The following PPP1R10 variants were observed in gnomAD, a reference collection of about 807,000 sequenced individuals.
The protein encoded by PPP1R10 is serine/threonine-protein phosphatase 1 regulatory subunit 10.
Under a neutral mutation model 99.0 loss-of-function variants are expected in PPP1R10, and 15 were observed. The ratio of observed to expected loss-of-function variants is 0.15; its 90% CI spans 0.10 to 0.23. The LOEUF (loss-of-function observed/expected upper bound fraction) is 0.23, where lower values mean the gene tolerates loss of function less well. Among genes scored for constraint, PPP1R10 ranks in the 10% least tolerant of loss-of-function variants. PPP1R10 has a pLI of 1.00. For synonymous variants in PPP1R10, 430 were observed against 449.5 expected, an observed-to-expected ratio of 0.96 and a Z score of 0.55; for missense variants, 947 against 1,259.4, an observed-to-expected ratio of 0.75 and a Z score of 3.75.
Position 30,605,835 on chromosome 6 carries a change from G to C in PPP1R10, c.853+88C>G, listed in dbSNP as rs563180840. ...AGACCGTGCCACTGCACTCCAGCCT[G>C]GGTGACAGAGTGAGACTCTGTCTCC... On this transcript the variant is annotated intron_variant, in intron 10 of 19. Transcript: ENST00000376511. 169 of 1,295,252 alleles carry C rather than the reference G, an allele frequency of 1.3e-4. 2 individuals carry two copies. The African/African-American group carries it at 2.4e-3, about 18-fold the overall frequency. 80.2% of individuals were successfully genotyped at this position (1,295,252 alleles called of 1,614,324 possible).
At position 30,605,156 on chromosome 6, in the gene PPP1R10, A is replaced by C; in HGVS notation, c.854-62T>G. ...CCTCCTTCATAATCCTACACCTGCAAACACAGTCCAGGCATAAAATGAGCC... is the reference window on the plus strand; with the variant it reads ...CCTCCTTCATAATCCTACACCTGCACACACAGTCCAGGCATAAAATGAGCC... On this transcript the variant is annotated intron_variant, in intron 10 of 19. Coordinates refer to ENST00000376511, the MANE Select transcript of PPP1R10 (RefSeq NM_002714.4). 2.1e-6 allele frequency: 3 copies of C among 1,452,014 alleles called. No individual in the cohort carries two copies. In the African/African-American group the frequency reaches 4.2e-5, roughly 20 times the overall value. 89.9% of individuals were successfully genotyped at this position (1,452,014 alleles called of 1,614,324 possible). A position where few individuals can be genotyped will look rare whatever the true frequency, so the allele number is the denominator to read the frequency against.
chr6:30,607,691 A>C (rs1804093194), intron 6 of PPP1R10, 149 bp downstream of exon 6: 2 of 824,598 alleles, frequency 2.4e-6, no homozygotes, highest in Admixed American at 4.3e-5. Context: ...TACAGGTTAG[A>C]GGAACTTTCT....
chr6:30,605,139 A>C lies in PPP1R10; in HGVS notation c.854-45T>G, dbSNP rs753423980. ...CAAATGGCATCATCAGACCTCCTTCATAATCCTACACCTGCAAACACAGTC... is the reference window on the plus strand; with the variant it reads ...CAAATGGCATCATCAGACCTCCTTCCTAATCCTACACCTGCAAACACAGTC... On this transcript the variant is annotated intron_variant, in intron 10 of 19. Transcript: ENST00000376511. 8 of 1,539,086 alleles carry C rather than the reference A, an allele frequency of 5.2e-6. No homozygotes were observed. In the South Asian group the frequency reaches 9.0e-5, roughly 17 times the overall value.
At position 30,604,445 on chromosome 6, in the gene PPP1R10, G is replaced by T. The variant is rs757313296; in HGVS notation, c.1169C>A (p.Thr390Asn). ...VESPGDPNQL[T>N]RKGRKRKSVT... ...ACTTTTCCTCTTCCTGCCTTTCCGG[G>T]TCAGTTGGTTAGGATCTCCAGGACT... Residue 390 changes from threonine to asparagine, a missense_variant, in exon 13 of 20, where the codon ACC becomes AAC. By Grantham distance (65) the Thr-to-Asn change is moderately conservative. Transcript: ENST00000376511. The surrounding 1 kb of genome is among the most constrained non-coding windows in gnomAD (Gnocchi z 7.3). The T allele has an allele frequency of 6.2e-7, 1 of 1,613,126 alleles. No individual in the cohort carries two copies. Among genetic ancestry groups the T allele is most frequent in the Non-Finnish European group, 8.5e-7 (1 of 1,180,014 alleles).
chr6:30,604,457 G>C lies in PPP1R10; in HGVS notation c.1157C>G (p.Pro386Arg), dbSNP rs781227825. The C allele has an allele frequency of 6.2e-7, 1 of 1,613,150 alleles. No individual in the cohort carries two copies. The highest frequency in any genetic ancestry group is 1.7e-5 in the Admixed American group (1 of 60,012). Reference protein sequence around the residue: ...DAKPVESPGDPNQLTRKGRKR... With the variant: ...DAKPVESPGDRNQLTRKGRKR... ...CCTGCCTTTCCGGGTCAGTTGGTTA[G>C]GATCTCCAGGACTCTCCACTGGCTT... is the stretch of plus-strand genomic sequence containing the variant. Residue 386 changes from proline (P) to arginine (R), a missense_variant, in exon 13 of 20, where the codon CCT becomes CGT. Pro to Arg is a moderately radical substitution (Grantham distance 103). Coordinates refer to ENST00000376511, the MANE Select transcript of PPP1R10 (RefSeq NM_002714.4). The surrounding 1 kb of genome is among the most constrained non-coding windows in gnomAD (Gnocchi z 7.3).
At position 30,603,245 on chromosome 6, in the gene PPP1R10, T is replaced by A; in HGVS notation, c.1808A>T (p.Gln603Leu). 1 of 1,613,926 alleles carries A rather than the reference T, an allele frequency of 6.2e-7. No individual in the cohort carries two copies. Among genetic ancestry groups the A allele is most frequent in the Non-Finnish European group, 8.5e-7 (1 of 1,179,812 alleles). ...NSHPSEELLK[Q>L]PDYSDKIKQM... ...CTTGATCTTGTCCGAATAGTCTGGT[T>A]GTTTCAGTAGTTCCTCTGAAGGATG... is the stretch of plus-strand genomic sequence containing the variant. Residue 603 changes from glutamine (Q) to leucine (L), a missense_variant, in exon 17 of 20, where the codon CAA becomes CTA. Around this residue, in one of 10 missense-constraint regions of PPP1R10, gnomAD observed 525 missense variants for 578.8 expected, o/e 0.91. Transcript: ENST00000376511.
At chr6:30,612,450 C>T (rs938245249) in intron 2 of PPP1R10, among the ~76,000 whole-genome samples, 1 of 152,130 alleles carries the variant, frequency 6.6e-6, no homozygotes, top group African/African-American at 2.4e-5. Context: ...GTGCCCTCTG[C>T]TGGAAATGGG....
At chr6:30,613,278 T>C (rs146943194) in intron 2 of PPP1R10, among the ~76,000 whole-genome samples, 2 of 152,310 alleles carry the variant, frequency 1.3e-5, no homozygotes, top group Admixed American at 6.5e-5. Context: ...CAGGACTGAA[T>C]TGGTTCAGGA....
At chr6:30,615,528 C>G (rs1481297825) in intron 2 of PPP1R10, among the ~76,000 whole-genome samples, 1 of 152,112 alleles carries the variant, frequency 6.6e-6, no homozygotes, top group African/African-American at 2.4e-5. Flanking sequence ...GCTTGGAAGA[C>G]AAAAGGACAA....
At position 30,601,336 on chromosome 6, in the gene PPP1R10, GTCTC is replaced by G; in HGVS notation, c.*209_*212del. On this transcript the variant is annotated 3_prime_UTR_variant, in exon 20 of 20. Coordinates refer to ENST00000376511, the MANE Select transcript of PPP1R10 (RefSeq NM_002714.4). The stretch of plus-strand genomic sequence containing the variant: ...CTTCAGCAGTCCAGGAACGTTTCCA[GTCTC>G]TCTCCTCCCCAGACTGGAGGAAAAT... 1.7e-6 allele frequency: 1 copy of G among 574,916 alleles called. No homozygotes were observed. The highest frequency in any genetic ancestry group is 3.1e-6 in the Non-Finnish European group (1 of 323,286). The allele number at this position is 574,916 out of a possible 1,614,324, so 35.6% of individuals were successfully genotyped here. A position where few individuals can be genotyped will look rare whatever the true frequency, so the allele number is the denominator to read the frequency against.
At position 30,609,585 on chromosome 6, in the gene PPP1R10, C is replaced by T. The variant is rs1804336673; in HGVS notation, c.107+253G>A. 1.3e-5 allele frequency among the ~76,000 whole-genome samples: 2 copies of T among 152,216 alleles called. No homozygotes were observed. The highest frequency in any genetic ancestry group is 4.1e-4 in the South Asian group (2 of 4,838). ...AACAATCTAGAATTCTGTTACCAGG[C>T]TACCCTGCTCTCATTCCAAAGCATG... On this transcript the variant is annotated intron_variant, in intron 3 of 19. Coordinates refer to ENST00000376511, the MANE Select transcript of PPP1R10 (RefSeq NM_002714.4). This position sits in a 1 kb window ranked among gnomAD's most constrained non-coding sequence, Gnocchi z 4.5.
Position 30,604,506 on chromosome 6 carries a change from A to G in PPP1R10, c.1108T>C (p.Leu370=). Residue 370 remains leucine, a synonymous_variant, in exon 13 of 20, where the codon TTG becomes CTG. Transcript: ENST00000376511. This position sits in a 1 kb window ranked among gnomAD's most constrained non-coding sequence, Gnocchi z 7.3. ...EVPELMDTAS[L]EPGALDAKPV... ...TTGGCATCCAGAGCTCCTGGCTCCA[A>G]AGAGGCTGGAAGCAGAAGAGGTTTC... The G allele has an allele frequency of 6.2e-7, 1 of 1,612,966 alleles. No individual in the cohort carries two copies. The highest frequency in any genetic ancestry group is 8.5e-7 in the Non-Finnish European group (1 of 1,180,008).
intron 19 of PPP1R10, 79 bp downstream of exon 19, chr6:30,601,857 C>G: frequency 1.4e-6 from 2 of 1,439,910 alleles, no homozygotes; most frequent in Non-Finnish European, 1.8e-6. Flanking sequence ...TAGCTACCAA[C>G]AGTAGTGACT....
chr6:30,614,139 C>T (rs1804838382), intron 2 of PPP1R10, among the ~76,000 whole-genome samples: 1 of 152,078 alleles, frequency 6.6e-6, no homozygotes, highest in South Asian at 2.1e-4. Flanking sequence ...ACCAGACACC[C>T]AATACCACCC....
Position 30,609,802 on chromosome 6 carries a change from T to C in PPP1R10, c.107+36A>G. 1 of 1,538,594 alleles carries C rather than the reference T, an allele frequency of 6.5e-7. No homozygotes were observed. The highest frequency in any genetic ancestry group is 2.2e-5 in the East Asian group (1 of 44,514). ...CCATGTTTTAACACACAATATTCTC[T>C]ACTCACAGTGAATACAAAAAGGGGT... On this transcript the variant is annotated intron_variant, in intron 3 of 19. Transcript: ENST00000376511. This position sits in a 1 kb window ranked among gnomAD's most constrained non-coding sequence, Gnocchi z 4.5.
At chr6:30,614,077 T>C (rs1804829619) in intron 2 of PPP1R10, among the ~76,000 whole-genome samples, 1 of 152,112 alleles carries the variant, frequency 6.6e-6, no homozygotes, top group African/African-American at 2.4e-5. Context: ...ATTAAAATTA[T>C]ATGGAGAGTC....
chr6:30,610,233 G>A (rs1410192192), intron 2 of PPP1R10, among the ~76,000 whole-genome samples: 1 of 152,118 alleles, frequency 6.6e-6, no homozygotes. Context: ...CCTCCCAGCA[G>A]CATCCTTCCT....
Position 30,601,225 on chromosome 6 carries a change from G to A in PPP1R10, c.*324C>T, listed in dbSNP as rs1305397581. 3 of 333,256 alleles carry A rather than the reference G, an allele frequency of 9.0e-6. No homozygotes were observed. The highest frequency in any genetic ancestry group is 6.3e-5 in the African/African-American group (3 of 47,940). The allele number at this position is 333,256 out of a possible 1,614,324, so 20.6% of individuals were successfully genotyped here. The stretch of plus-strand genomic sequence containing the variant: ...GTGTTCGCCAGGATAACCAGCTTTA[G>A]GTTCTCAAGCATTAAGGGTAATACT... On this transcript the variant is annotated 3_prime_UTR_variant, in exon 20 of 20. Coordinates refer to ENST00000376511, the MANE Select transcript of PPP1R10 (RefSeq NM_002714.4).
chr6:30,603,881 T>G, intron 14 of PPP1R10, 38 bp from the exon 15 acceptor site: 1 of 1,523,286 alleles, frequency 6.6e-7, no homozygotes, highest in Non-Finnish European at 8.8e-7. Flanking sequence ...AAAAGAATGA[T>G]AGTCAAGTTA....
Sources: allele counts gnomAD v4.1 joint callset (sites outside exome capture counted in the v4.1 genomes callset), GRCh38; gene constraint gnomAD v4.1.1; regional missense constraint gnomAD v4.1.1; non-coding constraint Gnocchi (gnomAD v3.1); transcripts MANE v1.5; gene names NCBI Gene and HGNC (gene_info 2026-07-23, HGNC 2026-07-21).